The following NLGN4X variants were observed in gnomAD, a reference collection of about 807,000 sequenced individuals.
NLGN4X encodes neuroligin-4, X-linked.
NLGN4X carries 3 observed loss-of-function variants against 40.3 expected under a neutral mutation model. The ratio of observed to expected loss-of-function variants is 0.07; its 90% confidence interval spans 0.03 to 0.19. The LOEUF is 0.19. Among genes scored for constraint, NLGN4X ranks in the 10% least tolerant of loss-of-function variants. The pLI, the probability that NLGN4X is intolerant of heterozygous loss-of-function variation, is 1.00. For missense variants in NLGN4X, 382 were observed against 708.3 expected (o/e 0.54, Z 5.23); for synonymous variants, 270 against 306.8 (o/e 0.88, Z 1.25).
intron 3 of NLGN4X, among the ~76,000 whole-genome samples, chrX:6,021,000 T>TTTTCTTTCTTTCTCTCTCTCTCTTTC (rs1306742830): frequency 2.0e-5 from 1 of 50,363 alleles, no homozygotes; most frequent in Non-Finnish European, 3.6e-5. Context: ...TCCTTCCTTC[T>TTTTCTTTCTTTCTCTCTCTCTCTTTC]TTTCTCTCTC....
chrX:6,036,817 G>C, intron 2 of NLGN4X, among the ~76,000 whole-genome samples: 1 of 111,272 alleles, frequency 9.0e-6, no homozygotes, highest in African/African-American at 3.3e-5. Flanking sequence ...CCAAGCAAAA[G>C]TACAACAATT....
intron 2 of NLGN4X, among the ~76,000 whole-genome samples, chrX:6,084,186 A>C (rs1459221960): frequency 8.9e-6 from 1 of 112,386 alleles, no homozygotes. Flanking sequence ...AAAAGACACC[A>C]CTGGGTTTTG....
At chrX:6,075,336 A>T (rs1234666349) in intron 2 of NLGN4X, among the ~76,000 whole-genome samples, 2 of 112,042 alleles carry the variant, frequency 1.8e-5, no homozygotes, top group Non-Finnish European at 3.8e-5. Context: ...TCTTCTCTTC[A>T]TCAACTGGTT....
intron 2 of NLGN4X, among the ~76,000 whole-genome samples, chrX:6,109,880 T>C (rs1392129333): frequency 3.6e-5 from 4 of 111,974 alleles, no homozygotes; most frequent in Non-Finnish European, 7.5e-5. Context: ...GGATCCAGTC[T>C]CCTAATTATA....
chrX:6,138,237 A>G (rs2039866236), intron 2 of NLGN4X, among the ~76,000 whole-genome samples: 1 of 112,219 alleles, frequency 8.9e-6, no homozygotes, highest in Non-Finnish European at 1.9e-5. Flanking sequence ...CATTTGACAA[A>G]AAAAGATCTC....
At chrX:6,037,309 AAAAAAT>A (rs936883090) in intron 2 of NLGN4X, among the ~76,000 whole-genome samples, 6 of 110,363 alleles carry the variant, frequency 5.4e-5, no homozygotes, top group Non-Finnish European at 9.4e-5. Context: ...TTATCACAAA[AAAAAAT>A]AAAAATAAAA....
intron 3 of NLGN4X, among the ~76,000 whole-genome samples, chrX:5,992,328 A>G (rs2035705440): frequency 8.9e-6 from 1 of 112,196 alleles, no homozygotes; most frequent in Non-Finnish European, 1.9e-5. Context: ...AAGACGGTCC[A>G]GGCATGGTGG....
At chrX:6,038,992 A>G (rs1043976751) in intron 2 of NLGN4X, among the ~76,000 whole-genome samples, 26 of 111,100 alleles carry the variant, frequency 2.3e-4, no homozygotes, top group Non-Finnish European at 9.4e-5. Context: ...TCCAGGGCAC[A>G]TAACTACTAG....
At chrX:6,107,187 T>C (rs2039049650) in intron 2 of NLGN4X, among the ~76,000 whole-genome samples, 1 of 112,139 alleles carries the variant, frequency 8.9e-6, no homozygotes, top group African/African-American at 3.2e-5. Context: ...CTGGATGCCA[T>C]TCGGCCACAT....
chrX:5,928,103 C>T (rs953289451), intron 3 of NLGN4X, among the ~76,000 whole-genome samples: 4 of 112,109 alleles, frequency 3.6e-5, no homozygotes, highest in African/African-American at 3.2e-5. Context: ...TATTCCTCTG[C>T]GTCTAAACTT....
chrX:6,018,594 GAGA>G lies in NLGN4X; in HGVS notation c.625+10683_625+10685del, dbSNP rs1442219972. Among the ~76,000 whole-genome samples the G allele has an allele frequency of 3.8e-3, 420 of 111,885 alleles. 4 individuals are homozygous for G. The highest frequency in any genetic ancestry group is 0.013 in the African/African-American group (403 of 30,822). On this transcript the variant is annotated intron_variant, in intron 3 of 5. Coordinates refer to ENST00000381095, the MANE Select transcript of NLGN4X (RefSeq NM_181332.3). ...AAGATCGTCAGCCTCGCGAGTAGCT[GAGA>G]CTACAGGCATGCAACACTGCACCCA...
intron 3 of NLGN4X, among the ~76,000 whole-genome samples, chrX:5,938,284 G>A (rs994301790): frequency 4.5e-5 from 5 of 110,826 alleles, no homozygotes; most frequent in Non-Finnish European, 7.5e-5. Flanking sequence ...TGTCAGGGTA[G>A]GAGCAAAGTT....
intron 2 of NLGN4X, among the ~76,000 whole-genome samples, chrX:6,094,104 C>T (rs894973236): frequency 1.8e-5 from 2 of 111,263 alleles, no homozygotes; most frequent in South Asian, 3.7e-4. Flanking sequence ...TTTATTAGAA[C>T]GTCACACAAA....
intron 2 of NLGN4X, among the ~76,000 whole-genome samples, chrX:6,041,518 A>G (rs1395950982): frequency 8.9e-6 from 1 of 111,838 alleles, no homozygotes; most frequent in Non-Finnish European, 1.9e-5. Context: ...GATCAGCTTA[A>G]ATTCCATTTC....
chrX:6,159,566 T>C (rs73184648), intron 1 of NLGN4X, among the ~76,000 whole-genome samples: 1,182 of 111,785 alleles, frequency 0.011, 7 homozygotes, highest in Middle Eastern at 0.027. Context: ...CCCAAGGCAA[T>C]AGACCATCCA....
intron 1 of NLGN4X, among the ~76,000 whole-genome samples, chrX:6,215,549 C>CAAA (rs3072697): frequency 5.9e-4 from 46 of 77,333 alleles, no homozygotes; most frequent in African/African-American, 1.1e-3. Flanking sequence ...AACTCCGTCT[C>CAAA]AAAAAAAAAA....
At chrX:5,915,002 G>C (rs1012902557) in intron 3 of NLGN4X, among the ~76,000 whole-genome samples, 2 of 112,785 alleles carry the variant, frequency 1.8e-5, no homozygotes, top group Non-Finnish European at 3.7e-5. Flanking sequence ...CTGGAAGGGA[G>C]GGAAGCTGAT....
intron 3 of NLGN4X, among the ~76,000 whole-genome samples, chrX:6,017,729 T>C (rs1399959278): frequency 1.8e-5 from 2 of 112,102 alleles, no homozygotes; most frequent in African/African-American, 3.2e-5. Context: ...CATAGTCTCT[T>C]TGGATGCCAG....
At chrX:5,924,426 T>A (rs373903625) in intron 3 of NLGN4X, among the ~76,000 whole-genome samples, 1 of 111,640 alleles carries the variant, frequency 9.0e-6, no homozygotes, top group African/African-American at 3.2e-5. Context: ...GCACCTAACA[T>A]CTTTATGCAA....
Sources: allele counts gnomAD v4.1 joint callset (sites outside exome capture counted in the v4.1 genomes callset), GRCh38; gene constraint gnomAD v4.1.1; transcripts MANE v1.5; gene names NCBI Gene and HGNC (gene_info 2026-07-23, HGNC 2026-07-21).